The following RIMBP2 variants were observed in gnomAD, a reference collection of about 807,000 sequenced individuals.
The protein encoded by RIMBP2 is RIMS binding protein 2.
A neutral mutation model predicts 118.6 loss-of-function variants in RIMBP2; 48 were observed. The ratio of observed to expected loss-of-function variants is 0.40; its 90% CI spans 0.32 to 0.51. RIMBP2 has a LOEUF of 0.51. RIMBP2 is among the 20% of genes least tolerant of loss of function. The pLI is 0.41. For synonymous variants in RIMBP2, 762 were observed against 742.9 expected, an observed-to-expected ratio of 1.03 and a Z score of -0.42; for missense variants, 1,551 against 1,768.3, an observed-to-expected ratio of 0.88 and a Z score of 2.20.
At chr12:130,404,015 C>A (rs549516751) in intron 21 of RIMBP2, among the ~76,000 whole-genome samples, 2 of 152,084 alleles carry the variant, frequency 1.3e-5, no homozygotes, top group African/African-American at 4.8e-5. Flanking sequence ...AAATACATAA[C>A]GAGTCACAGA....
At chr12:130,644,463 T>C in intron 1 of RIMBP2, among the ~76,000 whole-genome samples, 1 of 152,210 alleles carries the variant, frequency 6.6e-6, no homozygotes, top group Non-Finnish European at 1.5e-5. Flanking sequence ...GAATTCATTA[T>C]CCAGTCTGGG....
intron 2 of RIMBP2, among the ~76,000 whole-genome samples, chr12:130,599,378 G>A (rs2059740613): frequency 6.6e-6 from 1 of 152,176 alleles, no homozygotes; most frequent in African/African-American, 2.4e-5. Flanking sequence ...TGACAAGAGA[G>A]CGTATGCAGA....
rs896936190 is a variant in RIMBP2, at chr12:130,617,139, T to C, written c.-217+11183A>G. Among the ~76,000 whole-genome samples the C allele has an allele frequency of 6.6e-6, 1 of 151,984 alleles. No homozygotes were observed. The highest frequency in any genetic ancestry group is 1.5e-5 in the Non-Finnish European group (1 of 67,986). ...AGGCCTGGTGCTGAGACCCTACCAG[T>C]CTCTTCTGTGTTTCATTGTCACCAA... On this transcript the variant is annotated intron_variant, in intron 2 of 22. Coordinates refer to ENST00000690449, the MANE Select transcript of RIMBP2 (RefSeq NM_001393629.1). The surrounding 1 kb of genome is among the most constrained non-coding windows in gnomAD (Gnocchi z 4.6).
rs149347862 is a variant in RIMBP2, at chr12:130,414,305, G to A, written c.3240C>T (p.Asp1080=). ...RSRPVTVPSI[D]DYGRDRLSPD... ...GAGAAAGGCGGTCTCGCCCGTAATCGTCTGCGAGCAAGTGGGGGTGAAGAA... is the reference window on the plus strand; with the variant it reads ...GAGAAAGGCGGTCTCGCCCGTAATCATCTGCGAGCAAGTGGGGGTGAAGAA... Residue 1080 remains aspartate (D), a splice_region_variant and synonymous_variant, in exon 18 of 23, where the codon GAC becomes GAT. Coordinates refer to ENST00000690449, the MANE Select transcript of RIMBP2 (RefSeq NM_001393629.1). The A allele has an allele frequency of 7.4e-4, 1,163 of 1,579,282 alleles. 11 individuals carry two copies. The African/African-American group carries it at 0.014, about 19-fold the overall frequency.
chr12:130,679,648 T>C (rs959791177), intron 1 of RIMBP2, among the ~76,000 whole-genome samples: 3 of 152,168 alleles, frequency 2.0e-5, no homozygotes, highest in Non-Finnish European at 2.9e-5. Context: ...GTGTACCCTT[T>C]TCTCTATGGA....
intron 15 of RIMBP2, chr12:130,425,958 C>T (rs1431264817): frequency 6.6e-6 from 1 of 152,350 alleles, no homozygotes; most frequent in Non-Finnish European, 1.5e-5. Context: ...GGCATCGGGG[C>T]ACACACTGTG....
At chr12:130,707,258 G>A (rs780191914) in intron 1 of RIMBP2, among the ~76,000 whole-genome samples, 24 of 152,278 alleles carry the variant, frequency 1.6e-4, no homozygotes, top group Non-Finnish European at 2.6e-4. Flanking sequence ...GCATAGGTAC[G>A]CAGAGGATTC....
In RIMBP2 at chr12:130,442,215, G is replaced by A. The variant is rs748825308; in HGVS notation, c.1137C>T (p.Cys379=). 1 of 1,614,216 alleles carries A rather than the reference G, an allele frequency of 6.2e-7. No homozygotes were observed. Among genetic ancestry groups the A allele is most frequent in the Admixed American group, 1.7e-5 (1 of 60,030 alleles). Residue 379 remains cysteine, a synonymous_variant, in exon 11 of 23, where the codon TGC becomes TGT. Coordinates refer to ENST00000690449, the MANE Select transcript of RIMBP2 (RefSeq NM_001393629.1). The surrounding 1 kb of genome is among the most constrained non-coding windows in gnomAD (Gnocchi z 6.9). ...ALIEKLNMAA[C]TYRISVQCVT... ...CGCACTGCACGGAGATGCGGTAGGT[G>A]CAGGCTGCCATGTTGAGCTTCTCGA...
intron 1 of RIMBP2, among the ~76,000 whole-genome samples, chr12:130,704,078 A>G (rs1184443535): frequency 6.6e-6 from 1 of 152,292 alleles, no homozygotes; most frequent in African/African-American, 2.4e-5. Context: ...CCTCAGTTTC[A>G]TCTGGAAAGC....
At chr12:130,435,050 C>CTTTTTTTTTTTTTTTTT (rs375104659) in intron 13 of RIMBP2, among the ~76,000 whole-genome samples, 170 bp from the exon 14 acceptor site, 2 of 144,462 alleles carry the variant, frequency 1.4e-5, no homozygotes, top group African/African-American at 5.1e-5. Context: ...CCACCAGAAT[C>CTTTTTTTTTTTTTTTTT]TTTTTTTTTT....
At chr12:130,517,771 G>T in intron 3 of RIMBP2, 57 bp downstream of exon 3, 1 of 732,900 alleles carries the variant, frequency 1.4e-6, no homozygotes, top group Non-Finnish European at 1.7e-6. Flanking sequence ...GTTCCTCCCT[G>T]GCCCAGCCCG....
rs143264926 is a variant in RIMBP2, at chr12:130,450,530, G to A, written c.505-254C>T. ...GAGAACCCAGTCCCCAAACAGGAAG[G>A]TAAGGCTCAAAGACTCCGCCCAGTG... On this transcript the variant is annotated intron_variant, in intron 8 of 22. Coordinates refer to ENST00000690449, the MANE Select transcript of RIMBP2 (RefSeq NM_001393629.1). This position sits in a 1 kb window ranked among gnomAD's most constrained non-coding sequence, Gnocchi z 4.8. Among the ~76,000 whole-genome samples the A allele has an allele frequency of 4.9e-3, 741 of 152,062 alleles. 14 individuals carry two copies. Among genetic ancestry groups the A allele is most frequent in the Middle Eastern group, 0.038 (11 of 292 alleles).
chr12:130,603,528 T>C (rs2059989686), intron 2 of RIMBP2, among the ~76,000 whole-genome samples: 1 of 152,230 alleles, frequency 6.6e-6, no homozygotes, highest in Non-Finnish European at 1.5e-5. Flanking sequence ...CCCAGTATGA[T>C]ATTTATGAAG....
intron 2 of RIMBP2, among the ~76,000 whole-genome samples, chr12:130,521,003 G>A (rs1420144037): frequency 6.6e-6 from 1 of 152,198 alleles, no homozygotes; most frequent in Non-Finnish European, 1.5e-5. Flanking sequence ...AGCCGGCATT[G>A]GTCCCCACTG....
chr12:130,505,256 G>A (rs2050190114), intron 4 of RIMBP2, among the ~76,000 whole-genome samples: 1 of 152,088 alleles, frequency 6.6e-6, no homozygotes, highest in South Asian at 2.1e-4. Flanking sequence ...TCAGAGAATA[G>A]GGCATCTTTC....
chr12:130,673,809 TA>T (rs2064309199), intron 1 of RIMBP2, among the ~76,000 whole-genome samples: 1 of 152,100 alleles, frequency 6.6e-6, no homozygotes, highest in South Asian at 2.1e-4. Flanking sequence ...GCTGGTTGTT[TA>T]AAAGTGTGTA....
rs533019051 is a variant in RIMBP2, at chr12:130,509,258, T to G, written c.-126-2488A>C. ...CACCTTTCCTTCTGGGAGTCGGAAT[T>G]TCAGTATGTGCCGGACAGAGAGTGC... On this transcript the variant is annotated intron_variant, in intron 3 of 22. Transcript: ENST00000690449. 1.2e-4 allele frequency among the ~76,000 whole-genome samples: 18 copies of G among 152,338 alleles called. 1 individual carries two copies. The East Asian group carries it at 3.5e-3, about 29-fold the overall frequency.
chr12:130,474,548 T>C (rs1345658182), intron 5 of RIMBP2, among the ~76,000 whole-genome samples: 3 of 152,150 alleles, frequency 2.0e-5, no homozygotes, highest in Non-Finnish European at 4.4e-5. Flanking sequence ...AGCAGGCATG[T>C]TTTGGCATCA....
At chr12:130,539,887 CGAGGTGTAGGCTATGGCAAATGCAGTA>C (rs1276297514) in intron 2 of RIMBP2, among the ~76,000 whole-genome samples, 44 of 126,332 alleles carry the variant, frequency 3.5e-4, no homozygotes, top group Non-Finnish European at 5.4e-4. Flanking sequence ...GATGAGGTGG[CGAGGTGTAGGCTATGGCAAATGCAGTA>C]GATGAGGTGG....
Sources: allele counts gnomAD v4.1 joint callset (sites outside exome capture counted in the v4.1 genomes callset), GRCh38; gene constraint gnomAD v4.1.1; non-coding constraint Gnocchi (gnomAD v3.1); transcripts MANE v1.5; gene names NCBI Gene and HGNC (gene_info 2026-07-23, HGNC 2026-07-21).